The following FAM78A variants were observed in gnomAD, a reference collection of about 807,000 sequenced individuals.
FAM78A encodes family with sequence similarity 78 member A.
Under a neutral mutation model 22.6 loss-of-function variants are expected in FAM78A, and 12 were observed. The observed-to-expected ratio is 0.53, with a 90% CI of 0.34 to 0.86. The LOEUF is 0.86. Among genes scored for constraint, FAM78A ranks in the 40% least tolerant of loss-of-function variants. FAM78A has a pLI of 0.02. For synonymous variants in FAM78A, 151 were observed against 155.8 expected (o/e 0.97, Z 0.23); for missense variants, 322 against 396.1 (o/e 0.81, Z 1.59).
intron 1 of FAM78A, among the ~76,000 whole-genome samples, chr9:131,268,295 A>G (rs1049394097): frequency 3.3e-5 from 5 of 152,140 alleles, no homozygotes; most frequent in Admixed American, 3.3e-4. Flanking sequence ...CACACTGGAC[A>G]GGCATCCTGG....
At position 131,269,842 on chromosome 9, in the gene FAM78A, AT is replaced by A. The variant is rs1460952849; in HGVS notation, c.323+6014del. Among the ~76,000 whole-genome samples the A allele has an allele frequency of 5.9e-5, 9 of 151,884 alleles. No homozygotes were observed. The East Asian group carries it at 1.7e-3, about 29-fold the overall frequency. The stretch of plus-strand genomic sequence containing the variant: ...CATTAACTCACTTGTTCAGTAGATT[AT>A]TTTTTTGCCTCCAATATGCAGGCCC... On this transcript the variant is annotated intron_variant, in intron 1 of 1. Coordinates refer to ENST00000372271, the MANE Select transcript of FAM78A (RefSeq NM_033387.4).
chr9:131,275,033 G>A lies in FAM78A; in HGVS notation c.323+824C>T, dbSNP rs1464376213. Among the ~76,000 whole-genome samples, 2 of 152,158 alleles carry A rather than the reference G, an allele frequency of 1.3e-5. No individual in the cohort carries two copies. Among genetic ancestry groups the A allele is most frequent in the Non-Finnish European group, 2.9e-5 (2 of 68,016 alleles). On this transcript the variant is annotated intron_variant, in intron 1 of 1. Transcript: ENST00000372271. This position sits in a 1 kb window ranked among gnomAD's most constrained non-coding sequence, Gnocchi z 4.6. The stretch of plus-strand genomic sequence containing the variant: ...GTCACTCTCCCAACTCTGCCTAAAT[G>A]CAGCTCTTTTCACCCTGGGGACGGC...
upstream of FAM78A, among the ~76,000 whole-genome samples, chr9:131,278,042 A>AGGCGGCGGC (rs906070271): frequency 1.4e-5 from 2 of 145,572 alleles, no homozygotes; most frequent in African/African-American, 2.5e-5. Context: ...GCAGGTCCGC[A>AGGCGGCGGC]GGCGGCGGCG....
Position 131,261,877 on chromosome 9 carries a change from C to G in FAM78A, c.324-527G>C, listed in dbSNP as rs921448646. Among the ~76,000 whole-genome samples, 4 of 152,184 alleles carry G rather than the reference C, an allele frequency of 2.6e-5. No individual in the cohort carries two copies. Among genetic ancestry groups the G allele is most frequent in the African/African-American group, 9.7e-5 (4 of 41,438 alleles). ...AGCTCAGGACACCCTGCGCCCACTGCGCCTTCTGCTCACCTACGTGCACAG... is the reference window on the plus strand; with the variant it reads ...AGCTCAGGACACCCTGCGCCCACTGGGCCTTCTGCTCACCTACGTGCACAG... On this transcript the variant is annotated intron_variant, in intron 1 of 1. Transcript: ENST00000372271. This position sits in a 1 kb window ranked among gnomAD's most constrained non-coding sequence, Gnocchi z 7.1.
intron 1 of FAM78A, among the ~76,000 whole-genome samples, chr9:131,262,131 C>T (rs1222292136): frequency 4.0e-5 from 6 of 150,864 alleles, no homozygotes; most frequent in Admixed American, 4.0e-4. Context: ...TTTGAGAACA[C>T]CCTGGCCAAT....
upstream of FAM78A, among the ~76,000 whole-genome samples, chr9:131,280,185 G>A (rs1236327244): frequency 6.6e-6 from 1 of 152,192 alleles, no homozygotes; most frequent in Non-Finnish European, 1.5e-5. Context: ...GCCAGGCAGA[G>A]GGTGTGAATG....
chr9:131,279,626 G>A (rs530763186), upstream of FAM78A, among the ~76,000 whole-genome samples: 1 of 152,356 alleles, frequency 6.6e-6, no homozygotes, highest in South Asian at 2.1e-4. Flanking sequence ...CGCCTTGTGA[G>A]CAGTGAAGCT....
In FAM78A at chr9:131,260,084, G is replaced by C. The variant is rs1247201054; in HGVS notation, c.*738C>G. The stretch of plus-strand genomic sequence containing the variant: ...AGGGAGAGAAGGGGCTGTTCAGGCA[G>C]AATCTACCTGTGGTTTTATTTCTGC... On this transcript the variant is annotated 3_prime_UTR_variant, in exon 2 of 2. Coordinates refer to ENST00000372271, the MANE Select transcript of FAM78A (RefSeq NM_033387.4). The surrounding 1 kb of genome is among the most constrained non-coding windows in gnomAD (Gnocchi z 5.4). 1 of 152,662 alleles carries C rather than the reference G, an allele frequency of 6.6e-6. No homozygotes were observed. The highest frequency in any genetic ancestry group is 1.9e-4 in the East Asian group (1 of 5,176). The allele number at this position is 152,662 out of a possible 1,614,324, so 9.5% of individuals were successfully genotyped here.
At chr9:131,262,182 TAGTC>T (rs2131152097) in intron 1 of FAM78A, among the ~76,000 whole-genome samples, 1 of 151,322 alleles carries the variant, frequency 6.6e-6, no homozygotes, top group Admixed American at 6.6e-5. Context: ...TAGAAAAAAT[TAGTC>T]AGGCATGGTG....
rs1835475035 is a variant in FAM78A at position 131,275,779 on chromosome 9, C to G, written c.323+78G>C. On this transcript the variant is annotated intron_variant, in intron 1 of 1. Coordinates refer to ENST00000372271, the MANE Select transcript of FAM78A (RefSeq NM_033387.4). This position sits in a 1 kb window ranked among gnomAD's most constrained non-coding sequence, Gnocchi z 4.6. ...TCTTCATGGTATCTCCACCTTCCCC[C>G]TATCCGCGGCCCCCCACCAGGCCTC... 6.9e-7 allele frequency: 1 copy of G among 1,441,868 alleles called. No individual in the cohort carries two copies. The highest frequency in any genetic ancestry group is 2.4e-5 in the East Asian group (1 of 42,438). The allele number at this position is 1,441,868 out of a possible 1,614,324, so 89.3% of individuals were successfully genotyped here.
At chr9:131,278,031 T>G (rs1261764550), upstream of FAM78A, among the ~76,000 whole-genome samples, 1 of 146,014 alleles carries the variant, frequency 6.8e-6, no homozygotes, top group Non-Finnish European at 1.5e-5. Context: ...CCCGCGGGGA[T>G]GCAGGTCCGC....
At position 131,265,363 on chromosome 9, in the gene FAM78A, C is replaced by G. The variant is rs1224388434; in HGVS notation, c.324-4013G>C. On this transcript the variant is annotated intron_variant, in intron 1 of 1. Coordinates refer to ENST00000372271, the MANE Select transcript of FAM78A (RefSeq NM_033387.4). The surrounding 1 kb of genome is among the most constrained non-coding windows in gnomAD (Gnocchi z 4.3). The stretch of plus-strand genomic sequence containing the variant: ...CTCTGCCTCCTGGGTTCAAGCGATT[C>G]TCCTGCCTCAGCTTCCCAAGTAGCT... Among the ~76,000 whole-genome samples the G allele has an allele frequency of 1.3e-5, 2 of 152,164 alleles. No homozygotes were observed. The highest frequency in any genetic ancestry group is 4.8e-5 in the African/African-American group (2 of 41,432).
At chr9:131,277,236 G>A (rs976380110), upstream of FAM78A, among the ~76,000 whole-genome samples, 1 of 151,900 alleles carries the variant, frequency 6.6e-6, no homozygotes, top group Non-Finnish European at 1.5e-5. This position sits in a 1 kb window ranked among gnomAD's most constrained non-coding sequence, Gnocchi z 8.4. Flanking sequence ...GCTGCAGGGG[G>A]CGGCGAGCAC....
At chr9:131,266,558 T>C (rs1466654543) in intron 1 of FAM78A, among the ~76,000 whole-genome samples, 1 of 151,828 alleles carries the variant, frequency 6.6e-6, no homozygotes, top group Non-Finnish European at 1.5e-5. Flanking sequence ...TCATAGCTGC[T>C]CATCACTCAG....
Position 131,275,727 on chromosome 9 carries a change from TA to T in FAM78A, c.323+129del. ...CAATGAGGCCACCTGCATACCTGCC[TA>T]AAGCTTCCCTCTGGCCTCCGTCCTG... On this transcript the variant is annotated intron_variant, in intron 1 of 1. Transcript: ENST00000372271. The surrounding 1 kb of genome is among the most constrained non-coding windows in gnomAD (Gnocchi z 4.6). 2.9e-6 allele frequency: 3 copies of T among 1,040,656 alleles called. No individual in the cohort carries two copies. The highest frequency in any genetic ancestry group is 4.1e-6 in the Non-Finnish European group (3 of 737,182). The allele number at this position is 1,040,656 out of a possible 1,614,324, so 64.5% of individuals were successfully genotyped here.
At chr9:131,269,563 A>C in intron 1 of FAM78A, among the ~76,000 whole-genome samples, 1 of 150,680 alleles carries the variant, frequency 6.6e-6, no homozygotes, top group African/African-American at 2.4e-5. Context: ...GGTAACCTCC[A>C]CCTCCCAGGT....
upstream of FAM78A, among the ~76,000 whole-genome samples, chr9:131,277,873 G>A (rs1020201292): frequency 4.0e-5 from 6 of 151,090 alleles, no homozygotes; most frequent in Non-Finnish European, 8.9e-5. The surrounding 1 kb of genome is among the most constrained non-coding windows in gnomAD (Gnocchi z 8.4). Context: ...GCCCCGCGCT[G>A]CCTCGCTCTG....
At chr9:131,264,153 C>A in intron 1 of FAM78A, 1 of 166,366 alleles carries the variant, frequency 6.0e-6, no homozygotes, top group Non-Finnish European at 1.3e-5. Flanking sequence ...TAAGGAACCC[C>A]GCTTTGGCCT....
chr9:131,280,359 C>T (rs1028695758), upstream of FAM78A, among the ~76,000 whole-genome samples: 9 of 152,206 alleles, frequency 5.9e-5, no homozygotes, highest in South Asian at 2.1e-4. Flanking sequence ...CACAGACCCA[C>T]GGCAGCCTCA....
Sources: allele counts gnomAD v4.1 joint callset (sites outside exome capture counted in the v4.1 genomes callset), GRCh38; gene constraint gnomAD v4.1.1; non-coding constraint Gnocchi (gnomAD v3.1); transcripts MANE v1.5; gene names NCBI Gene and HGNC (gene_info 2026-07-23, HGNC 2026-07-21).